The following RIMS2 variants were observed in gnomAD, a reference collection of about 807,000 sequenced individuals.
RIMS2 encodes regulating synaptic membrane exocytosis 2.
Under a neutral mutation model 174.4 loss-of-function variants are expected in RIMS2, and 59 were observed. The observed-to-expected ratio is 0.34, with a 90% CI of 0.27 to 0.42. The LOEUF is 0.42. RIMS2 is among the 10% of genes least tolerant of loss of function. RIMS2 has a pLI of 1.00. For missense variants in RIMS2, 1,620 were observed against 1,666.3 expected (o/e 0.97, Z 0.48); for synonymous variants, 606 against 572.5 (o/e 1.06, Z -0.84).
intron 3 of RIMS2, among the ~76,000 whole-genome samples, chr8:103,869,614 T>C (rs28610511): frequency 0.4 from 61,020 of 151,864 alleles, 12,699 homozygotes; most frequent in African/African-American, 0.44. Context: ...TGAGCCACCA[T>C]GCCCGATGAG....
At position 103,724,005 on chromosome 8, in the gene RIMS2, G is replaced by C. The variant is rs113776907; in HGVS notation, c.387+26709G>C. ...TGTCAGTGGTCACTGGGGAAGGCCTGATACTGGGGTACCCACTGAAGTCAG... is the reference window on the plus strand; with the variant it reads ...TGTCAGTGGTCACTGGGGAAGGCCTCATACTGGGGTACCCACTGAAGTCAG... On this transcript the variant is annotated intron_variant, in intron 2 of 23. Coordinates refer to ENST00000504942, the Ensembl canonical transcript of RIMS2. Among the ~76,000 whole-genome samples, 340 of 152,234 alleles carry C rather than the reference G, an allele frequency of 2.2e-3. 1 individual carries two copies. The highest frequency in any genetic ancestry group is 4.5e-3 in the Non-Finnish European group (303 of 67,996).
chr8:103,680,927 T>C (rs1030320446), intron 1 of RIMS2, among the ~76,000 whole-genome samples: 2 of 152,022 alleles, frequency 1.3e-5, no homozygotes, highest in Non-Finnish European at 2.9e-5. Flanking sequence ...AGTTAAAAAG[T>C]ATCTAGTGAA....
At chr8:103,826,746 A>T (rs1282602669) in intron 3 of RIMS2, among the ~76,000 whole-genome samples, 1 of 150,724 alleles carries the variant, frequency 6.6e-6, no homozygotes, top group African/African-American at 2.4e-5. Flanking sequence ...CAGTGGTGTG[A>T]TCATAGCTGA....
At chr8:104,179,781 A>G (rs1262757036) in intron 19 of RIMS2, among the ~76,000 whole-genome samples, 1 of 151,826 alleles carries the variant, frequency 6.6e-6, no homozygotes, top group Non-Finnish European at 1.5e-5. Flanking sequence ...TATAAAACCA[A>G]TATCTGCTTT....
intron 17 of RIMS2, among the ~76,000 whole-genome samples, chr8:104,009,156 A>G (rs2095678781): frequency 6.6e-6 from 1 of 151,888 alleles, no homozygotes; most frequent in African/African-American, 2.4e-5. Context: ...TGCTATATTA[A>G]TTATTCTAAA....
chr8:103,700,478 T>C (rs564701548), intron 2 of RIMS2, among the ~76,000 whole-genome samples: 2 of 152,190 alleles, frequency 1.3e-5, no homozygotes, highest in East Asian at 3.9e-4. Context: ...GGTTAGGTAT[T>C]AACATAGTAT....
intron 19 of RIMS2, among the ~76,000 whole-genome samples, chr8:104,202,582 T>C (rs1412343063): frequency 2.0e-5 from 3 of 152,208 alleles, no homozygotes; most frequent in African/African-American, 7.2e-5. Flanking sequence ...TCCAGCAGGA[T>C]TGGTTTCCTC....
chr8:103,961,877 C>G (rs1051142857), intron 15 of RIMS2, among the ~76,000 whole-genome samples: 10 of 152,048 alleles, frequency 6.6e-5, no homozygotes, highest in Non-Finnish European at 1.5e-4. Flanking sequence ...AGTTAGCATG[C>G]CTTTATCAGT....
At chr8:103,698,920 A>G (rs935546370) in intron 2 of RIMS2, among the ~76,000 whole-genome samples, 1 of 152,160 alleles carries the variant, frequency 6.6e-6, no homozygotes, top group Non-Finnish European at 1.5e-5. Flanking sequence ...CTCCTCTTCA[A>G]CATTTTGGAA....
chr8:103,543,478 TA>T (rs567279059), intron 1 of RIMS2, among the ~76,000 whole-genome samples: 194 of 152,306 alleles, frequency 1.3e-3, no homozygotes, highest in African/African-American at 4.4e-3. Context: ...AATTCCATGA[TA>T]TTTTTCACAG....
chr8:103,931,473 C>T (rs2154531743), intron 12 of RIMS2, 80 bp downstream of exon 14: 1 of 975,888 alleles, frequency 1.0e-6, no homozygotes, highest in African/African-American at 1.6e-5. Context: ...AATTCTGTAT[C>T]ATTTATTGGT....
chr8:104,114,256 A>G (rs1017437264), intron 19 of RIMS2, among the ~76,000 whole-genome samples: 8 of 151,984 alleles, frequency 5.3e-5, no homozygotes, highest in Non-Finnish European at 1.0e-4. Context: ...AATAATATTC[A>G]TTTCTGCATT....
chr8:103,558,079 A>T lies in RIMS2; in HGVS notation c.176+57017A>T, dbSNP rs2193496. Among the ~76,000 whole-genome samples, 641 of 152,310 alleles carry T rather than the reference A, an allele frequency of 4.2e-3. 4 individuals are homozygous for T. Among genetic ancestry groups the T allele is most frequent in the African/African-American group, 0.015 (610 of 41,562 alleles). On this transcript the variant is annotated intron_variant, in intron 1 of 23. Coordinates refer to ENST00000504942, the Ensembl canonical transcript of RIMS2. ...TTATTTTTTATTTTATTTTTTTAACAAGTCAGCAAACTAAAATTCCAGTTT... is the reference window on the plus strand; with the variant it reads ...TTATTTTTTATTTTATTTTTTTAACTAGTCAGCAAACTAAAATTCCAGTTT...
At chr8:103,551,143 A>C (rs999734748) in intron 1 of RIMS2, among the ~76,000 whole-genome samples, 3 of 151,804 alleles carry the variant, frequency 2.0e-5, no homozygotes, top group East Asian at 1.9e-4. Flanking sequence ...GAGACACAAC[A>C]AAAAAAAGAG....
intron 17 of RIMS2, chr8:103,998,107 C>A: frequency 1.8e-6 from 2 of 1,115,494 alleles, no homozygotes; most frequent in Non-Finnish European, 2.6e-6. Flanking sequence ...TAAAATCTCA[C>A]TTTTTAAATT....
intron 19 of RIMS2, among the ~76,000 whole-genome samples, 154 bp downstream of exon 25, chr8:104,149,002 A>G (rs938402100): frequency 1.4e-4 from 21 of 152,220 alleles, no homozygotes; most frequent in African/African-American, 5.1e-4. Context: ...TCTGAAATCA[A>G]CAATGATGTT....
chr8:104,007,076 A>T (rs2095611217), intron 17 of RIMS2, among the ~76,000 whole-genome samples: 1 of 152,206 alleles, frequency 6.6e-6, no homozygotes, highest in Non-Finnish European at 1.5e-5. Context: ...TCAAGCTTCT[A>T]TAAGCCTTAG....
chr8:104,026,512 T>C (rs1202606258), intron 19 of RIMS2, among the ~76,000 whole-genome samples: 1 of 152,106 alleles, frequency 6.6e-6, no homozygotes, highest in Admixed American at 6.6e-5. Flanking sequence ...GTATCACCTA[T>C]TAAAAAGTCA....
At chr8:104,159,175 T>C (rs1368237060) in intron 19 of RIMS2, among the ~76,000 whole-genome samples, 2 of 152,194 alleles carry the variant, frequency 1.3e-5, no homozygotes, top group Non-Finnish European at 2.9e-5. Context: ...TTGCTTGTTT[T>C]TGTCAGGTTT....
Sources: allele counts gnomAD v4.1 joint callset (sites outside exome capture counted in the v4.1 genomes callset), GRCh38; gene constraint gnomAD v4.1.1; transcripts MANE v1.5; gene names NCBI Gene and HGNC (gene_info 2026-07-23, HGNC 2026-07-21).